RAB11FIP3: variants seen among roughly 807,000 people sequenced by gnomAD.
RAB11FIP3 encodes the protein RAB11 family interacting protein 3, also known as rab11 family-interacting protein 3.
RAB11FIP3 carries 17 observed loss-of-function variants against 77.8 expected under a neutral mutation model. The observed-to-expected ratio is 0.22, with a 90% CI of 0.15 to 0.33. The LOEUF (loss-of-function observed/expected upper bound fraction) is 0.33, where lower values mean the gene tolerates loss of function less well. RAB11FIP3 is among the 10% of genes least tolerant of loss of function. The pLI, the probability that RAB11FIP3 is intolerant of heterozygous loss-of-function variation, is 1.00. For synonymous variants in RAB11FIP3, 437 were observed against 448.2 expected (o/e 0.98, Z 0.31); for missense variants, 1,005 against 1,011.2 (o/e 0.99, Z 0.08).
chr16:508,435 A>G (rs1250460290), intron 8 of RAB11FIP3, among the ~76,000 whole-genome samples: 1 of 152,168 alleles, frequency 6.6e-6, no homozygotes, highest in Non-Finnish European at 1.5e-5. Flanking sequence ...GTGCAATGGC[A>G]CAATCTCCGC....
chr16:469,911 C>T (rs1013845349), intron 2 of RAB11FIP3, among the ~76,000 whole-genome samples: 2 of 152,218 alleles, frequency 1.3e-5, no homozygotes, highest in African/African-American at 4.8e-5. Flanking sequence ...ACTGCATCCT[C>T]TGCCTCCCTG....
Position 471,255 on chromosome 16 carries a change from C to A in RAB11FIP3, c.809-40C>A. ...CGCCAGGGGTCCCGTCACTGGGTGG[C>A]TATGGGTGGCCTGTTGAGCACGAGG... On this transcript the variant is annotated intron_variant, in intron 2 of 13. Coordinates refer to ENST00000262305, the MANE Select transcript of RAB11FIP3 (RefSeq NM_014700.4). This position sits in a 1 kb window ranked among gnomAD's most constrained non-coding sequence, Gnocchi z 4.4. 1 of 1,559,552 alleles carries A rather than the reference C, an allele frequency of 6.4e-7. No individual in the cohort carries two copies. Among genetic ancestry groups the A allele is most frequent in the South Asian group, 1.1e-5 (1 of 89,626 alleles).
rs758362137 is a variant in RAB11FIP3 at position 426,742 on chromosome 16, G to T, written c.714+22G>T. The stretch of plus-strand genomic sequence containing the variant: ...GCAGGTACGGAGCGGCCCGGGCCGG[G>T]GCGTGGGAACTGGGCAGGTGCGCGC... On this transcript the variant is annotated intron_variant, in intron 1 of 13. Coordinates refer to ENST00000262305, the MANE Select transcript of RAB11FIP3 (RefSeq NM_014700.4). The surrounding 1 kb of genome is among the most constrained non-coding windows in gnomAD (Gnocchi z 5.0). 6.8e-7 allele frequency: 1 copy of T among 1,466,542 alleles called. No individual in the cohort carries two copies. Among genetic ancestry groups the T allele is most frequent in the Non-Finnish European group, 9.0e-7 (1 of 1,107,276 alleles). The allele number at this position is 1,466,542 out of a possible 1,614,324, so 90.8% of individuals were successfully genotyped here.
intron 2 of RAB11FIP3, among the ~76,000 whole-genome samples, chr16:463,430 GTTTT>G (rs142875972): frequency 2.8e-4 from 23 of 82,264 alleles, no homozygotes; most frequent in African/African-American, 4.3e-4. Flanking sequence ...TTGTTCCCCG[GTTTT>G]TTTTTTTTTT....
At chr16:475,032 T>C in intron 3 of RAB11FIP3, 1 of 1,551,718 alleles carries the variant, frequency 6.4e-7, no homozygotes, top group Non-Finnish European at 8.7e-7. Context: ...TCCAACAGCA[T>C]GCCCTTCCTG....
At chr16:464,221 C>T (rs1247570248) in intron 2 of RAB11FIP3, among the ~76,000 whole-genome samples, 1 of 152,170 alleles carries the variant, frequency 6.6e-6, no homozygotes, top group African/African-American at 2.4e-5. Flanking sequence ...CAGGAGGCCT[C>T]AGAGTCTGCA....
At chr16:498,804 T>G (rs2031320193) in intron 6 of RAB11FIP3, among the ~76,000 whole-genome samples, 1 of 151,158 alleles carries the variant, frequency 6.6e-6, no homozygotes, top group Admixed American at 6.6e-5. Flanking sequence ...CGCGTCCCAC[T>G]TGTTTTCCAT....
In RAB11FIP3 at chr16:506,787, G is replaced by C. The variant is rs112580280; in HGVS notation, c.1499+1160G>C. On this transcript the variant is annotated intron_variant, in intron 8 of 13. Coordinates refer to ENST00000262305, the MANE Select transcript of RAB11FIP3 (RefSeq NM_014700.4). This position sits in a 1 kb window ranked among gnomAD's most constrained non-coding sequence, Gnocchi z 4.5. The stretch of plus-strand genomic sequence containing the variant: ...AAGACCCTGGGCTTGGCGGCTGCCC[G>C]TTCTCCAGGATTCTCAGCAGAAGAG... Among the ~76,000 whole-genome samples the C allele has an allele frequency of 2.0e-5, 3 of 152,220 alleles. No homozygotes were observed. In the East Asian group the frequency reaches 5.8e-4, roughly 29 times the overall value.
In RAB11FIP3 at chr16:450,398, T is replaced by C. The variant is rs78582840; in HGVS notation, c.715-11006T>C. ...TTTTTGTTTCACTGTGGTGCCCAGGTCAGTTTCGAACTCCTGACCTCAAGT... is the reference window on the plus strand; with the variant it reads ...TTTTTGTTTCACTGTGGTGCCCAGGCCAGTTTCGAACTCCTGACCTCAAGT... On this transcript the variant is annotated intron_variant, in intron 1 of 13. Coordinates refer to ENST00000262305, the MANE Select transcript of RAB11FIP3 (RefSeq NM_014700.4). 4.7e-3 allele frequency among the ~76,000 whole-genome samples: 711 copies of C among 152,290 alleles called. 2 individuals are homozygous for C. Among genetic ancestry groups the C allele is most frequent in the African/African-American group, 0.016 (670 of 41,556 alleles).
intron 1 of RAB11FIP3, among the ~76,000 whole-genome samples, chr16:441,869 C>T (rs1432540234): frequency 6.6e-6 from 1 of 152,218 alleles, no homozygotes; most frequent in Non-Finnish European, 1.5e-5. Context: ...GACGGAGTCT[C>T]GCTCTCTCGT....
intron 1 of RAB11FIP3, among the ~76,000 whole-genome samples, chr16:447,716 C>A (rs2055340215): frequency 6.6e-6 from 1 of 152,142 alleles, no homozygotes; most frequent in Admixed American, 6.5e-5. Flanking sequence ...CCAGCCTGGG[C>A]AACAGAGCGA....
rs1347497554 is a variant in RAB11FIP3, at chr16:507,688, C to T, written c.1499+2061C>T. 6.6e-6 allele frequency among the ~76,000 whole-genome samples: 1 copy of T among 152,266 alleles called. No individual in the cohort carries two copies. Among genetic ancestry groups the T allele is most frequent in the Non-Finnish European group, 1.5e-5 (1 of 68,054 alleles). The stretch of plus-strand genomic sequence containing the variant: ...TCTGCAGTGCAGCCCCGGCCACATT[C>T]AGTTCCTGTGGCTGTTCCCTGTGGT... On this transcript the variant is annotated intron_variant, in intron 8 of 13. Coordinates refer to ENST00000262305, the MANE Select transcript of RAB11FIP3 (RefSeq NM_014700.4). The surrounding 1 kb of genome is among the most constrained non-coding windows in gnomAD (Gnocchi z 4.6).
At chr16:511,453 G>T (rs138334409) in intron 9 of RAB11FIP3, among the ~76,000 whole-genome samples, 2,163 of 121,354 alleles carry the variant, frequency 0.018, 46 homozygotes, top group Non-Finnish European at 0.027. Flanking sequence ...CCGACAGTCC[G>T]CCAACCCCAG....
chr16:464,692 G>T (rs547469367), intron 2 of RAB11FIP3, among the ~76,000 whole-genome samples: 4 of 152,236 alleles, frequency 2.6e-5, no homozygotes, highest in African/African-American at 9.6e-5. Flanking sequence ...TCCCAGGAGG[G>T]TGAGACCAGC....
chr16:449,377 A>G (rs982916467), intron 1 of RAB11FIP3, among the ~76,000 whole-genome samples: 3 of 152,140 alleles, frequency 2.0e-5, no homozygotes, highest in Admixed American at 1.3e-4. Flanking sequence ...TTTGCCAGAA[A>G]TGGTTCTTAG....
intron 3 of RAB11FIP3, among the ~76,000 whole-genome samples, chr16:476,654 G>A (rs550145295): frequency 6.6e-6 from 1 of 152,170 alleles, no homozygotes; most frequent in African/African-American, 2.4e-5. Context: ...GCTCATGTCT[G>A]TAATCCCAGC....
intron 8 of RAB11FIP3, among the ~76,000 whole-genome samples, chr16:508,965 G>A (rs1367196402): frequency 6.7e-6 from 1 of 149,782 alleles, no homozygotes; most frequent in Admixed American, 6.7e-5. Context: ...GTGCAGTGGT[G>A]TGATCTCTGC....
chr16:517,442 C>T (rs749488181), intron 9 of RAB11FIP3, among the ~76,000 whole-genome samples: 4 of 152,314 alleles, frequency 2.6e-5, no homozygotes, highest in Admixed American at 6.5e-5. Flanking sequence ...GTGGGGCACA[C>T]GTGTACTCCC....
chr16:518,180 G>C (rs2032504549), intron 9 of RAB11FIP3, among the ~76,000 whole-genome samples: 1 of 152,232 alleles, frequency 6.6e-6, no homozygotes, highest in Non-Finnish European at 1.5e-5. Flanking sequence ...CCAGGATCAA[G>C]TGATCCTCCT....
Sources: allele counts gnomAD v4.1 joint callset (sites outside exome capture counted in the v4.1 genomes callset), GRCh38; gene constraint gnomAD v4.1.1; non-coding constraint Gnocchi (gnomAD v3.1); transcripts MANE v1.5; gene names NCBI Gene and HGNC (gene_info 2026-07-23, HGNC 2026-07-21).